The following CYP11A1 variants were observed in gnomAD, a reference collection of about 807,000 sequenced individuals.
CYP11A1 encodes cholesterol side-chain cleavage enzyme, mitochondrial.
In CYP11A1, 25 loss-of-function variants were observed where a neutral mutation model predicts 51.9. That is an observed-to-expected ratio of 0.48 (90% CI 0.35 to 0.67). CYP11A1 has a LOEUF of 0.67. CYP11A1 is among the 30% of genes least tolerant of loss of function. CYP11A1 has a pLI of 0.00. For missense variants in CYP11A1, 578 were observed against 680.9 expected (o/e 0.85, Z 1.68); for synonymous variants, 245 against 262.1 (o/e 0.93, Z 0.63).
intron 1 of CYP11A1, among the ~76,000 whole-genome samples, chr15:74,354,118 G>T (rs918641705): frequency 6.6e-6 from 1 of 152,120 alleles, no homozygotes. Context: ...GTCAAGCAGG[G>T]TCCCTGGGGC....
chr15:74,363,524 A>G (rs1304723489), intron 1 of CYP11A1: 1 of 152,176 alleles, frequency 6.6e-6, no homozygotes, highest in African/African-American at 2.4e-5. Flanking sequence ...TCTTAGATCC[A>G]TTTGATTTTA....
At chr15:74,363,606 C>T (rs1477126846) in intron 1 of CYP11A1, 1 of 152,168 alleles carries the variant, frequency 6.6e-6, no homozygotes, top group Non-Finnish European at 1.5e-5. Context: ...TCCTAATAGC[C>T]ATAATAATGG....
At chr15:74,354,870 A>T (rs1438268124) in intron 1 of CYP11A1, among the ~76,000 whole-genome samples, 2 of 152,006 alleles carry the variant, frequency 1.3e-5, no homozygotes. Flanking sequence ...CTGGTCACAG[A>T]CTCGGGAAGA....
Position 74,367,467 on chromosome 15 carries a change from A to G in CYP11A1, c.119T>C (p.Ile40Thr), listed in dbSNP as rs533078157. ...GAAGGGGCGAGGACTGCGGGTGGAG[A>G]TGCCAGCTCCCTCGCCAGTGGGCAC... ...LRVPTGEGAG[I>T]STRSPRPFNE... The change falls in exon 1 of 9, where the codon ATC (isoleucine) becomes ACC (threonine). Residue 40 changes from isoleucine (I) to threonine (T), a missense_variant. By Grantham distance (89) the Ile-to-Thr change is moderately conservative. Transcript: ENST00000268053. The G allele has an allele frequency of 1.4e-5, 22 of 1,614,212 alleles. No individual in the cohort carries two copies. In the East Asian group the frequency reaches 3.1e-4, roughly 23 times the overall value.
intron 1 of CYP11A1, among the ~76,000 whole-genome samples, chr15:74,348,621 G>A (rs913083277): frequency 5.3e-5 from 8 of 152,170 alleles, no homozygotes; most frequent in Non-Finnish European, 1.2e-4. Flanking sequence ...CCAACAACAC[G>A]CTTTGTCTCT....
Position 74,367,219 on chromosome 15 carries a change from C to T in CYP11A1, c.269+98G>A, listed in dbSNP as rs564338685. ...AAAGAAGTTAGACAGGAGTTTGGAA[C>T]CAGAGAACAGCCTGTTGGGGGAGTG... On this transcript the variant is annotated intron_variant, in intron 1 of 8. Coordinates refer to ENST00000268053, the MANE Select transcript of CYP11A1 (RefSeq NM_000781.3). 837 of 1,364,552 alleles carry T rather than the reference C, an allele frequency of 6.1e-4. 4 individuals are homozygous for T. Among genetic ancestry groups the T allele is most frequent in the Non-Finnish European group, 7.5e-4 (718 of 962,460 alleles). The allele number at this position is 1,364,552 out of a possible 1,614,324, so 84.5% of individuals were successfully genotyped here. A position where few individuals can be genotyped will look rare whatever the true frequency, so the allele number is the denominator to read the frequency against.
Position 74,345,775 on chromosome 15 carries a change from A to C in CYP11A1, c.426-532T>G, listed in dbSNP as rs2060630046. On this transcript the variant is annotated intron_variant, in intron 2 of 8. Transcript: ENST00000268053. This position sits in a 1 kb window ranked among gnomAD's most constrained non-coding sequence, Gnocchi z 4.3. ...ACTGGGTTGGTCATAATAAACCTTA[A>C]TTCATGCACACTCTTGAAATTCATC... Among the ~76,000 whole-genome samples, 1 of 152,152 alleles carries C rather than the reference A, an allele frequency of 6.6e-6. No homozygotes were observed. The highest frequency in any genetic ancestry group is 1.5e-5 in the Non-Finnish European group (1 of 68,010).
chr15:74,338,319 CCT>C, intron 8 of CYP11A1: 1 of 710,410 alleles, frequency 1.4e-6, no homozygotes. Flanking sequence ...TGTCTACAAA[CCT>C]CAGTCCTATC....
chr15:74,346,499 C>T (rs879299199), intron 2 of CYP11A1, among the ~76,000 whole-genome samples: 1 of 151,992 alleles, frequency 6.6e-6, no homozygotes, highest in African/African-American at 2.4e-5. Flanking sequence ...GTGTGTACCA[C>T]AATTCACTCA....
At chr15:74,355,316 G>A (rs1256073049) in intron 1 of CYP11A1, among the ~76,000 whole-genome samples, 1 of 152,054 alleles carries the variant, frequency 6.6e-6, no homozygotes, top group East Asian at 1.9e-4. Context: ...GCCAGAAAAC[G>A]GCACTTTCGA....
At chr15:74,361,620 C>A in intron 1 of CYP11A1, 1 of 1,175,276 alleles carries the variant, frequency 8.5e-7, no homozygotes, top group Non-Finnish European at 1.3e-6. Flanking sequence ...CTCCTTTGAG[C>A]TGTTTGCAGA....
At chr15:74,352,013 T>G (rs760956915) in intron 1 of CYP11A1, among the ~76,000 whole-genome samples, 2 of 152,230 alleles carry the variant, frequency 1.3e-5, no homozygotes, top group Non-Finnish European at 2.9e-5. Flanking sequence ...CGTTTATGTG[T>G]GTGTATACAT....
intron 1 of CYP11A1, chr15:74,359,506 T>C (rs1239703719): frequency 6.6e-6 from 1 of 152,218 alleles, no homozygotes; most frequent in Non-Finnish European, 1.5e-5. Flanking sequence ...TGTTCCTGCC[T>C]TAACTGATGA....
chr15:74,347,304 G>A (rs897722171), intron 2 of CYP11A1, among the ~76,000 whole-genome samples: 1 of 152,146 alleles, frequency 6.6e-6, no homozygotes, highest in East Asian at 1.9e-4. Flanking sequence ...AGCTACTTGG[G>A]AGGCTGAGGT....
chr15:74,360,494 T>G (rs1345106813), intron 1 of CYP11A1, among the ~76,000 whole-genome samples: 1 of 151,750 alleles, frequency 6.6e-6, no homozygotes, highest in African/African-American at 2.4e-5. Context: ...CCATCTTGGC[T>G]AGGCTGGTCT....
chr15:74,359,107 T>G (rs1452236385), intron 1 of CYP11A1, among the ~76,000 whole-genome samples: 3 of 152,340 alleles, frequency 2.0e-5, no homozygotes, highest in South Asian at 2.1e-4. Flanking sequence ...GTGTCTTCCA[T>G]TTAGTTTTTC....
intron 5 of CYP11A1, 103 bp from the exon 6 acceptor site, chr15:74,339,856 T>C (rs547437424): frequency 8.8e-7 from 1 of 1,142,762 alleles, no homozygotes; most frequent in South Asian, 1.3e-5. Flanking sequence ...AGAACCTCTT[T>C]CTCCCCGAAC....
chr15:74,337,917 C>T lies in CYP11A1; in HGVS notation c.*55G>A. On this transcript the variant is annotated 3_prime_UTR_variant, in exon 9 of 9. Coordinates refer to ENST00000268053, the MANE Select transcript of CYP11A1 (RefSeq NM_000781.3). ...CAGACGACTGAAGATGCAGAGACCCCATGGGCCCCACCCCTGGGCCTTCCT... is the reference window on the plus strand; with the variant it reads ...CAGACGACTGAAGATGCAGAGACCCTATGGGCCCCACCCCTGGGCCTTCCT... 1 of 1,611,154 alleles carries T rather than the reference C, an allele frequency of 6.2e-7. No homozygotes were observed. The highest frequency in any genetic ancestry group is 8.5e-7 in the Non-Finnish European group (1 of 1,179,018).
At chr15:74,340,761 A>G (rs2060603121) in intron 5 of CYP11A1, among the ~76,000 whole-genome samples, 1 of 152,110 alleles carries the variant, frequency 6.6e-6, no homozygotes, top group Non-Finnish European at 1.5e-5. Context: ...GGCTCCCCAG[A>G]GCCTCCAGAT....
Sources: allele counts gnomAD v4.1 joint callset (sites outside exome capture counted in the v4.1 genomes callset), GRCh38; gene constraint gnomAD v4.1.1; non-coding constraint Gnocchi (gnomAD v3.1); transcripts MANE v1.5; gene names NCBI Gene and HGNC (gene_info 2026-07-23, HGNC 2026-07-21).